GRID2: variants seen among roughly 807,000 people sequenced by gnomAD.
GRID2 encodes the protein glutamate receptor ionotropic, delta-2.
GRID2 carries 33 observed loss-of-function variants against 114.8 expected under a neutral mutation model. That is an observed-to-expected ratio of 0.29 (90% CI 0.22 to 0.38). GRID2 has a LOEUF of 0.38. Among genes scored for constraint, GRID2 ranks in the 10% least tolerant of loss-of-function variants. The pLI is 1.00. For synonymous variants in GRID2, 505 were observed against 449.9 expected (o/e 1.12, Z -1.55); for missense variants, 1,184 against 1,257.7 (o/e 0.94, Z 0.89).
intron 2 of GRID2, among the ~76,000 whole-genome samples, chr4:92,935,108 A>G (rs1167982211): frequency 6.8e-6 from 1 of 146,776 alleles, no homozygotes; most frequent in African/African-American, 2.4e-5. Context: ...GGCAACCTAC[A>G]AAATGGGAGA....
intron 2 of GRID2, among the ~76,000 whole-genome samples, chr4:92,701,574 G>C (rs1734678107): frequency 6.6e-6 from 1 of 152,030 alleles, no homozygotes; most frequent in African/African-American, 2.4e-5. Context: ...ACTTTTATTT[G>C]TTTTAAAAGT....
At chr4:93,646,365 A>G (rs1352631984) in intron 14 of GRID2, among the ~76,000 whole-genome samples, 3 of 152,156 alleles carry the variant, frequency 2.0e-5, no homozygotes, top group Non-Finnish European at 4.4e-5. Context: ...CAACAGATAT[A>G]AAAGCCCTGC....
chr4:92,979,711 G>A (rs562551059), intron 2 of GRID2, among the ~76,000 whole-genome samples: 1 of 152,210 alleles, frequency 6.6e-6, no homozygotes, highest in Non-Finnish European at 1.5e-5. Flanking sequence ...CAGCTTACAA[G>A]CCATAGTTCT....
intron 14 of GRID2, among the ~76,000 whole-genome samples, chr4:93,654,577 A>T (rs934137852): frequency 2.6e-5 from 4 of 152,198 alleles, no homozygotes; most frequent in Non-Finnish European, 5.9e-5. Context: ...GGGGAAAAAA[A>T]ACTTATGTAG....
chr4:93,305,578 G>T (rs1424547420), intron 8 of GRID2, among the ~76,000 whole-genome samples: 2 of 152,112 alleles, frequency 1.3e-5, no homozygotes, highest in Non-Finnish European at 1.5e-5. Flanking sequence ...ATGAAAAAGA[G>T]TTCCTAGAAA....
chr4:93,089,322 A>G (rs548091121), intron 3 of GRID2, among the ~76,000 whole-genome samples: 26 of 152,324 alleles, frequency 1.7e-4, no homozygotes, highest in Non-Finnish European at 2.5e-4. Context: ...GCCAAGGGAA[A>G]ATACTATATG....
At chr4:93,198,563 T>TTG (rs1290797783) in intron 4 of GRID2, among the ~76,000 whole-genome samples, 1 of 152,116 alleles carries the variant, frequency 6.6e-6, no homozygotes, top group African/African-American at 2.4e-5. Flanking sequence ...TCACAGCCAC[T>TTG]TACATAGTTA....
chr4:92,552,622 G>A (rs1215830693), intron 1 of GRID2, among the ~76,000 whole-genome samples: 2 of 152,142 alleles, frequency 1.3e-5, no homozygotes, highest in Non-Finnish European at 2.9e-5. Flanking sequence ...ATCGAATGAA[G>A]CAGATTTTAA....
chr4:92,549,782 C>A (rs960089265), intron 1 of GRID2, among the ~76,000 whole-genome samples: 5 of 152,038 alleles, frequency 3.3e-5, no homozygotes, highest in African/African-American at 1.2e-4. Flanking sequence ...TTCTTAAAAT[C>A]CTAGTGGTCA....
At chr4:92,647,262 A>G (rs1189951961) in intron 2 of GRID2, among the ~76,000 whole-genome samples, 1 of 152,170 alleles carries the variant, frequency 6.6e-6, no homozygotes, top group East Asian at 1.9e-4. Flanking sequence ...AATGGTGTCA[A>G]CCACACAGTA....
intron 2 of GRID2, among the ~76,000 whole-genome samples, chr4:92,757,825 G>T (rs552007634): frequency 6.6e-6 from 1 of 150,996 alleles, no homozygotes; most frequent in South Asian, 2.1e-4. Flanking sequence ...TAATACTGCC[G>T]AGAAGTTACT....
intron 1 of GRID2, among the ~76,000 whole-genome samples, chr4:92,453,943 A>G (rs1438599025): frequency 6.6e-6 from 1 of 152,204 alleles, no homozygotes; most frequent in Non-Finnish European, 1.5e-5. Context: ...ATATTACAAA[A>G]CTGAATATGA....
In GRID2 at chr4:92,408,868, G is replaced by C. The variant is rs1731160335; in HGVS notation, c.88+104124G>C. 2.6e-5 allele frequency among the ~76,000 whole-genome samples: 4 copies of C among 152,162 alleles called. No individual in the cohort carries two copies. In the South Asian group the frequency reaches 6.2e-4, roughly 24 times the overall value. On this transcript the variant is annotated intron_variant, in intron 1 of 15. Coordinates refer to ENST00000282020, the MANE Select transcript of GRID2 (RefSeq NM_001510.4). ...TGTATTTGTTTATCAAGAATGTTTA[G>C]GTGGAGTCTTTGGGGTTTTGTAGAT...
chr4:93,321,675 C>CT (rs1041166581), intron 8 of GRID2, among the ~76,000 whole-genome samples: 12 of 151,740 alleles, frequency 7.9e-5, no homozygotes, highest in Admixed American at 7.9e-4. Flanking sequence ...CTTTGAAATA[C>CT]TTTTTTTATT....
At chr4:93,024,075 G>C (rs1186595174) in intron 2 of GRID2, among the ~76,000 whole-genome samples, 1 of 151,768 alleles carries the variant, frequency 6.6e-6, no homozygotes, top group East Asian at 1.9e-4. Flanking sequence ...CTATCTGGTA[G>C]GTGCAAAATA....
chr4:92,662,352 A>G (rs1452012970), intron 2 of GRID2, among the ~76,000 whole-genome samples: 1 of 150,998 alleles, frequency 6.6e-6, no homozygotes, highest in Non-Finnish European at 1.5e-5. Flanking sequence ...GACCAAAAGG[A>G]TTCTTAGGAT....
chr4:93,055,556 T>A (rs552395193), intron 2 of GRID2, among the ~76,000 whole-genome samples: 1 of 151,964 alleles, frequency 6.6e-6, no homozygotes, highest in Non-Finnish European at 1.5e-5. Flanking sequence ...ATATAAAAAA[T>A]GATAATAAAT....
chr4:92,691,059 G>A (rs1734159259), intron 2 of GRID2, among the ~76,000 whole-genome samples: 1 of 152,088 alleles, frequency 6.6e-6, no homozygotes, highest in African/African-American at 2.4e-5. Context: ...TCTTCTGCCT[G>A]AAGGAACTAG....
chr4:92,375,153 A>G (rs1729295274), intron 1 of GRID2, among the ~76,000 whole-genome samples: 1 of 152,184 alleles, frequency 6.6e-6, no homozygotes. Flanking sequence ...ACTGTGGACC[A>G]GAAAGGATGT....
Sources: allele counts gnomAD v4.1 joint callset (sites outside exome capture counted in the v4.1 genomes callset), GRCh38; gene constraint gnomAD v4.1.1; transcripts MANE v1.5; gene names NCBI Gene and HGNC (gene_info 2026-07-23, HGNC 2026-07-21).